MS4A15: variants seen among roughly 807,000 people sequenced by gnomAD.
MS4A15 encodes membrane-spanning 4-domains subfamily A member 15.
Under a neutral mutation model 20.6 loss-of-function variants are expected in MS4A15, and 22 were observed. That is an observed-to-expected ratio of 1.07 (90% CI 0.76 to 1.52). The LOEUF (loss-of-function observed/expected upper bound fraction) is 1.52. MS4A15 is among the 40% of genes most tolerant of loss of function. The pLI is 0.00. For missense variants in MS4A15, 312 were observed against 323.0 expected (o/e 0.97, Z 0.26); for synonymous variants, 129 against 129.3 (o/e 1.00, Z 0.02).
Position 60,763,651 on chromosome 11 carries a change from TA to T in MS4A15, c.-28-50del, listed in dbSNP as rs1475648212. On this transcript the variant is annotated intron_variant, in intron 1 of 6. Coordinates refer to ENST00000405633, the MANE Select transcript of MS4A15 (RefSeq NM_001098835.2). ...GGAAGTAGGCACGTTGCTTATCAAC[TA>T]AAAAGCTTTATGCACATGGGTGACA... The T allele has an allele frequency of 3.4e-6, 5 of 1,480,264 alleles. No homozygotes were observed. In the African/African-American group the frequency reaches 5.5e-5, roughly 16 times the overall value. 91.7% of individuals were successfully genotyped at this position (1,480,264 alleles called of 1,614,324 possible). A position where few individuals can be genotyped will look rare whatever the true frequency, so the allele number is the denominator to read the frequency against.
chr11:60,767,568 C>G lies in MS4A15; in HGVS notation c.261C>G (p.Gly87=). The G allele has an allele frequency of 6.4e-6, 10 of 1,553,190 alleles. No individual in the cohort carries two copies. Among genetic ancestry groups the G allele is most frequent in the Non-Finnish European group, 8.7e-6 (10 of 1,147,708 alleles). ...VQILIGLIHL[G]FGSVLLMVRR... is the part of the protein sequence containing the mutation. ...TCCTCATCGGCCTCATCCACCTAGG[C>G]TTTGGCAGCGTGCTGCTCATGGTTC... is the stretch of plus-strand genomic sequence containing the variant. Residue 87 remains glycine (G), a synonymous_variant, in exon 3 of 7, where the codon GGC becomes GGG. Transcript: ENST00000405633.
chr11:60,764,255 T>C (rs551293497), intron 2 of MS4A15, among the ~76,000 whole-genome samples: 2 of 152,314 alleles, frequency 1.3e-5, no homozygotes. Flanking sequence ...AGATGACATT[T>C]AAGCCCAAAC....
intron 1 of MS4A15, among the ~76,000 whole-genome samples, chr11:60,759,509 T>C (rs1231102413): frequency 1.3e-5 from 2 of 152,102 alleles, no homozygotes; most frequent in Non-Finnish European, 2.9e-5. Context: ...GACCTTACCA[T>C]CCCCTAGCCC....
At chr11:60,771,484 G>A in intron 4 of MS4A15, 137 bp downstream of exon 4, 2 of 1,542,444 alleles carry the variant, frequency 1.3e-6, no homozygotes, top group Non-Finnish European at 8.7e-7. Context: ...CAGGGGAGGG[G>A]CACCACCCAG....
rs534072882 is a variant in MS4A15 at position 60,763,402 on chromosome 11, A to G, written c.-28-304A>G. Among the ~76,000 whole-genome samples the G allele has an allele frequency of 2.0e-5, 3 of 152,300 alleles. No individual in the cohort carries two copies. In the East Asian group the frequency reaches 5.8e-4, roughly 29 times the overall value. ...TAAGTCACTTGCCCTTTCTGGGAAAAGAAGGGCATTTAAATAAACACTCCT... is the reference window on the plus strand; with the variant it reads ...TAAGTCACTTGCCCTTTCTGGGAAAGGAAGGGCATTTAAATAAACACTCCT... On this transcript the variant is annotated intron_variant, in intron 1 of 6. Transcript: ENST00000405633.
chr11:60,766,292 A>G (rs1399090749), intron 2 of MS4A15, among the ~76,000 whole-genome samples: 1 of 152,214 alleles, frequency 6.6e-6, no homozygotes, highest in Non-Finnish European at 1.5e-5. Context: ...GAGGCAGGAG[A>G]ATCACCTAAA....
At chr11:60,762,715 A>G (rs975461148) in intron 1 of MS4A15, among the ~76,000 whole-genome samples, 2 of 152,188 alleles carry the variant, frequency 1.3e-5, no homozygotes, top group Admixed American at 1.3e-4. Flanking sequence ...AATAACCAAC[A>G]TACTCTAAAA....
chr11:60,767,598 C>T lies in MS4A15; in HGVS notation c.291C>T (p.Arg97=), dbSNP rs140213540. The change falls in exon 3 of 7, where the codon CGC becomes CGT. Residue 97 remains arginine, a synonymous_variant. Transcript: ENST00000405633. ...GFGSVLLMVR[R]GHVGIFFIEG... ...GCAGCGTGCTGCTCATGGTTCGCCG[C>T]GGCCACGTGGGCATCTTCTTCATCG... 904 of 1,557,498 alleles carry T rather than the reference C, an allele frequency of 5.8e-4. No individual in the cohort carries two copies. Among genetic ancestry groups the T allele is most frequent in the Non-Finnish European group, 6.9e-4 (792 of 1,150,040 alleles).
intron 1 of MS4A15, among the ~76,000 whole-genome samples, chr11:60,758,857 T>C (rs2134696188): frequency 6.6e-6 from 1 of 152,356 alleles, no homozygotes; most frequent in Non-Finnish European, 1.5e-5. Context: ...GCAGCTACAG[T>C]GTGGCAATAG....
chr11:60,775,317 CA>C (rs1166830368), intron 6 of MS4A15, among the ~76,000 whole-genome samples: 2 of 11,822 alleles, frequency 1.7e-4, no homozygotes, highest in African/African-American at 4.7e-4. Flanking sequence ...AACTCTGTCT[CA>C]AAAAAAAAAA....
chr11:60,767,567 GC>G lies in MS4A15; in HGVS notation c.261del (p.Phe88LeufsTer49), dbSNP rs1471793899. On this transcript the variant is annotated frameshift_variant, in exon 3 of 7. Transcript: ENST00000405633. LOFTEE classifies it high-confidence loss of function. The part of the protein sequence containing the change: ...VQILIGLIHL[G>X]FGSVLLMVRR... The stretch of plus-strand genomic sequence containing the variant: ...ATCCTCATCGGCCTCATCCACCTAG[GC>G]TTTGGCAGCGTGCTGCTCATGGTTC... 3.2e-6 allele frequency: 5 copies of G among 1,552,958 alleles called. No homozygotes were observed. The highest frequency in any genetic ancestry group is 4.4e-6 in the Non-Finnish European group (5 of 1,147,626).
At chr11:60,773,718 G>A (rs1427301207) in intron 5 of MS4A15, 119 bp from the exon 6 acceptor site, 2 of 901,524 alleles carry the variant, frequency 2.2e-6, no homozygotes, top group Non-Finnish European at 3.7e-6. Flanking sequence ...CAGGGGGACT[G>A]GCTCCAGGCA....
At chr11:60,758,258 TAAA>T (rs34129865) in intron 1 of MS4A15, among the ~76,000 whole-genome samples, 2 of 147,522 alleles carry the variant, frequency 1.4e-5, no homozygotes, top group Non-Finnish European at 3.0e-5. Flanking sequence ...AATACAAACA[TAAA>T]AAAAAAAAAT....
At chr11:60,773,792 A>G (rs1401134259) in intron 5 of MS4A15, 45 bp from the exon 6 acceptor site, 1 of 1,539,222 alleles carries the variant, frequency 6.5e-7, no homozygotes, top group Non-Finnish European at 9.0e-7. Flanking sequence ...GGACCCCCTT[A>G]CTCTAGAACT....
At chr11:60,772,111 C>G (rs1184009050) in intron 4 of MS4A15, among the ~76,000 whole-genome samples, 2 of 152,082 alleles carry the variant, frequency 1.3e-5, no homozygotes, top group East Asian at 1.9e-4. Context: ...AGTCCCTGAG[C>G]AGGTATCACG....
chr11:60,760,257 CT>C (rs1221199890), intron 1 of MS4A15, among the ~76,000 whole-genome samples: 1 of 152,242 alleles, frequency 6.6e-6, no homozygotes, highest in Non-Finnish European at 1.5e-5. Flanking sequence ...GCTGATCATG[CT>C]TTTTTTCCAT....
At chr11:60,763,262 G>C (rs774522809) in intron 1 of MS4A15, among the ~76,000 whole-genome samples, 2 of 152,066 alleles carry the variant, frequency 1.3e-5, no homozygotes, top group Non-Finnish European at 2.9e-5. Context: ...AATTATTGAC[G>C]CTAGCTCAAT....
At chr11:60,770,435 T>G (rs1854004656) in intron 3 of MS4A15, among the ~76,000 whole-genome samples, 1 of 151,784 alleles carries the variant, frequency 6.6e-6, no homozygotes, top group South Asian at 2.1e-4. Flanking sequence ...CCGTCTCTCC[T>G]AAAAATACCA....
chr11:60,769,731 T>A (rs1853984048), intron 3 of MS4A15, among the ~76,000 whole-genome samples: 1 of 152,046 alleles, frequency 6.6e-6, no homozygotes, highest in Admixed American at 6.6e-5. Context: ...GCTAAACATA[T>A]CCCAAGAATT....
Sources: allele counts gnomAD v4.1 joint callset (sites outside exome capture counted in the v4.1 genomes callset), GRCh38; gene constraint gnomAD v4.1.1; transcripts MANE v1.5; gene names NCBI Gene and HGNC (gene_info 2026-07-23, HGNC 2026-07-21).